NTRK2: variants seen among roughly 807,000 people sequenced by gnomAD.
NTRK2 encodes neurotrophic receptor tyrosine kinase 2, also known as BDNF/NT-3 growth factors receptor.
A neutral mutation model predicts 94.5 loss-of-function variants in NTRK2; 13 were observed. That is an observed-to-expected ratio of 0.14 (90% CI 0.09 to 0.22). The LOEUF is 0.22. Among genes scored for constraint, NTRK2 ranks in the 10% least tolerant of loss-of-function variants. The probability of loss-of-function intolerance (pLI) is 1.00; values close to 1 mark genes in which losing one functional copy is unlikely to be tolerated. For missense variants in NTRK2, 639 were observed against 1,071.2 expected (o/e 0.60, Z 5.63); for synonymous variants, 372 against 407.4 (o/e 0.91, Z 1.05).
At chr9:84,705,008 A>G (rs539304598) in intron 4 of NTRK2, among the ~76,000 whole-genome samples, 18 of 152,202 alleles carry the variant, frequency 1.2e-4, no homozygotes, top group Non-Finnish European at 2.6e-4. Context: ...TCCCTCAAAT[A>G]TCAACGCAGT....
chr9:84,763,289 C>T (rs951147393), intron 12 of NTRK2, among the ~76,000 whole-genome samples: 1 of 152,058 alleles, frequency 6.6e-6, no homozygotes, highest in Non-Finnish European at 1.5e-5. Flanking sequence ...TTTCCTTAAC[C>T]CTCATACTTG....
intron 14 of NTRK2, among the ~76,000 whole-genome samples, chr9:84,910,959 G>A (rs1034665687): frequency 1.3e-5 from 2 of 152,264 alleles, no homozygotes; most frequent in African/African-American, 2.4e-5. Context: ...TGATAGGAAT[G>A]GTGGTAAACC....
intron 16 of NTRK2, among the ~76,000 whole-genome samples, chr9:84,949,276 C>T (rs1301310682): frequency 6.6e-6 from 1 of 151,916 alleles, no homozygotes; most frequent in Non-Finnish European, 1.5e-5. Context: ...ATGCGGAGAC[C>T]CTGAGGTCAT....
intron 15 of NTRK2, among the ~76,000 whole-genome samples, chr9:84,934,911 C>T (rs1214630360): frequency 6.6e-6 from 1 of 152,130 alleles, no homozygotes; most frequent in Non-Finnish European, 1.5e-5. Context: ...GTCACGTCCT[C>T]ATAAACTCAA....
chr9:84,688,834 A>G (rs1452346399), intron 2 of NTRK2, among the ~76,000 whole-genome samples: 1 of 152,164 alleles, frequency 6.6e-6, no homozygotes, highest in Non-Finnish European at 1.5e-5. Context: ...GACATGCATA[A>G]TGGATTGATA....
chr9:84,769,507 A>G (rs1234954374), intron 12 of NTRK2, among the ~76,000 whole-genome samples: 1 of 152,242 alleles, frequency 6.6e-6, no homozygotes, highest in East Asian at 1.9e-4. Context: ...TCTCTGTACT[A>G]TAGATCTGTG....
intron 6 of NTRK2, among the ~76,000 whole-genome samples, chr9:84,716,085 C>T (rs1485036781): frequency 6.6e-6 from 1 of 152,156 alleles, no homozygotes. Context: ...CTAGTTACCA[C>T]ACAGAATAAT....
chr9:84,685,365 C>CTTT (rs35011896), intron 2 of NTRK2, among the ~76,000 whole-genome samples: 4 of 143,462 alleles, frequency 2.8e-5, no homozygotes, highest in African/African-American at 1.0e-4. Flanking sequence ...ACAGCTTCTT[C>CTTT]TTTTTTTTTT....
intron 12 of NTRK2, among the ~76,000 whole-genome samples, chr9:84,859,996 G>A (rs561348341): frequency 8.4e-4 from 128 of 152,276 alleles, no homozygotes; most frequent in African/African-American, 2.9e-3. Flanking sequence ...TACGAGGGAG[G>A]GAAAGCCTAC....
intron 12 of NTRK2, among the ~76,000 whole-genome samples, chr9:84,778,654 A>G (rs1454527888): frequency 6.6e-6 from 1 of 152,146 alleles, no homozygotes; most frequent in Non-Finnish European, 1.5e-5. Context: ...GGAGGGCTCT[A>G]TTGCTGTGTT....
intron 17 of NTRK2, among the ~76,000 whole-genome samples, chr9:84,957,797 G>T (rs774995244): frequency 6.6e-6 from 1 of 152,182 alleles, no homozygotes; most frequent in Non-Finnish European, 1.5e-5. Context: ...ACACAAATGT[G>T]CATGGTAGTA....
chr9:84,941,238 T>C (rs1374827557), intron 15 of NTRK2, among the ~76,000 whole-genome samples: 8 of 152,328 alleles, frequency 5.3e-5, no homozygotes, highest in Non-Finnish European at 2.9e-5. Context: ...AGTGTGTGTG[T>C]GTATGCATGC....
At chr9:84,870,334 T>TATATATATATATATAC (rs2132097791) in intron 14 of NTRK2, among the ~76,000 whole-genome samples, 1 of 94,010 alleles carries the variant, frequency 1.1e-5, no homozygotes, top group South Asian at 4.1e-4. Flanking sequence ...TGTGTGTGTA[T>TATATATATATATATAC]ATATATATAT....
chr9:84,682,894 G>A (rs571989332), intron 2 of NTRK2, among the ~76,000 whole-genome samples: 13 of 152,292 alleles, frequency 8.5e-5, no homozygotes, highest in Non-Finnish European at 1.5e-4. Context: ...TCCACTGGAT[G>A]AATAGACTCT....
intron 12 of NTRK2, among the ~76,000 whole-genome samples, chr9:84,808,013 G>A (rs1795729218): frequency 6.6e-6 from 1 of 152,326 alleles, no homozygotes; most frequent in African/African-American, 2.4e-5. Context: ...AATGCCGTAT[G>A]TGTTTTTATG....
intron 12 of NTRK2, among the ~76,000 whole-genome samples, chr9:84,758,417 G>A (rs988477092): frequency 6.6e-6 from 1 of 151,950 alleles, no homozygotes; most frequent in African/African-American, 2.4e-5. Flanking sequence ...TTGAGACAGA[G>A]TTTCACTCTT....
At position 84,724,115 on chromosome 9, in the gene NTRK2, C is replaced by T. The variant is rs58464833; in HGVS notation, c.721-109C>T. ...GCCCAGTTCAGGCAGAGAAGCTTTT[C>T]TAATGCTATATATACATATTTTCTC... On this transcript the variant is annotated intron_variant, in intron 7 of 18. Coordinates refer to ENST00000277120, the MANE Select transcript of NTRK2 (RefSeq NM_006180.6). 6.0e-6 allele frequency: 7 copies of T among 1,162,768 alleles called. No homozygotes were observed. In the African/African-American group the frequency reaches 1.1e-4, roughly 18 times the overall value. The allele number at this position is 1,162,768 out of a possible 1,614,324, so 72.0% of individuals were successfully genotyped here.
Position 85,025,560 on chromosome 9 carries a change from T to C in NTRK2, c.*4123T>C, listed in dbSNP as rs760086382. ...AACAGCAGGATTACCTGGTCAAGTATGGACTTTCTTTGAATCTTTCTTTTC... is the reference window on the plus strand; with the variant it reads ...AACAGCAGGATTACCTGGTCAAGTACGGACTTTCTTTGAATCTTTCTTTTC... On this transcript the variant is annotated 3_prime_UTR_variant, in exon 19 of 19. Transcript: ENST00000277120. 1 of 233,268 alleles carries C rather than the reference T, an allele frequency of 4.3e-6. No individual in the cohort carries two copies. Among genetic ancestry groups the C allele is most frequent in the Non-Finnish European group, 8.5e-6 (1 of 118,018 alleles). 14.4% of individuals were successfully genotyped at this position (233,268 alleles called of 1,614,324 possible).
intron 12 of NTRK2, among the ~76,000 whole-genome samples, chr9:84,830,869 C>G (rs1428688037): frequency 6.6e-6 from 1 of 152,026 alleles, no homozygotes. Flanking sequence ...TATAATCCTG[C>G]CACCCAGAAA....
Sources: gnomAD v4.1 joint callset for allele counts (sites outside exome capture counted in the v4.1 genomes callset) on GRCh38, gnomAD v4.1.1 for gene constraint, MANE v1.5 for transcripts, NCBI Gene and HGNC (gene_info 2026-07-23, HGNC 2026-07-21) for gene names.